Variants in TEAD4 observed in about 807,000 individuals in gnomAD.
TEAD4 encodes the protein transcriptional enhancer factor TEF-3.
In TEAD4, 36 loss-of-function variants were observed where a neutral mutation model predicts 52.4. The ratio of observed to expected loss-of-function variants is 0.69; its 90% confidence interval spans 0.53 to 0.91. The LOEUF is 0.91. Among genes scored for constraint, TEAD4 ranks in the 40% least tolerant of loss-of-function variants. The probability of loss-of-function intolerance (pLI) is 0.00; values close to 1 mark genes in which losing one functional copy is unlikely to be tolerated. For synonymous variants in TEAD4, 220 were observed against 231.0 expected (o/e 0.95, Z 0.43); for missense variants, 508 against 583.9 (o/e 0.87, Z 1.34).
At chr12:2,961,009 C>T (rs1318506208) in intron 2 of TEAD4, among the ~76,000 whole-genome samples, 2 of 151,668 alleles carry the variant, frequency 1.3e-5, no homozygotes, top group Non-Finnish European at 2.9e-5. Flanking sequence ...GGGTCTTGTG[C>T]TTGCCTGGAA....
chr12:3,008,508 AT>A (rs1402665472), intron 3 of TEAD4, among the ~76,000 whole-genome samples: 2 of 152,114 alleles, frequency 1.3e-5, no homozygotes, highest in Non-Finnish European at 2.9e-5. Context: ...GGGCTTTTGA[AT>A]TTCGATAGGG....
At chr12:2,963,863 G>A (rs973704977) in intron 2 of TEAD4, among the ~76,000 whole-genome samples, 3 of 152,196 alleles carry the variant, frequency 2.0e-5, no homozygotes, top group Admixed American at 6.5e-5. Flanking sequence ...TGTAGCGGGG[G>A]CTGGCTCCTT....
At position 2,959,890 on chromosome 12, in the gene TEAD4, G is replaced by C. The variant is rs1397704615; in HGVS notation, c.-122-58G>C. The C allele has an allele frequency of 6.6e-6, 1 of 151,816 alleles. No homozygotes were observed. Among genetic ancestry groups the C allele is most frequent in the Admixed American group, 6.6e-5 (1 of 15,236 alleles). The allele number at this position is 151,816 out of a possible 1,614,324, so 9.4% of individuals were successfully genotyped here. A position where few individuals can be genotyped will look rare whatever the true frequency, so the allele number is the denominator to read the frequency against. On this transcript the variant is annotated intron_variant, in intron 1 of 12. Coordinates refer to ENST00000359864, the MANE Select transcript of TEAD4 (RefSeq NM_003213.4). This position sits in a 1 kb window ranked among gnomAD's most constrained non-coding sequence, Gnocchi z 5.1. ...CCCGCGGCCCCGCCTTCACTGCGCC[G>C]CCCGTCGGCCCCGGCCGGAGCCCGG...
intron 2 of TEAD4, among the ~76,000 whole-genome samples, chr12:2,977,763 CTTGTTGCA>C (rs2098230953): frequency 6.6e-6 from 1 of 152,176 alleles, no homozygotes; most frequent in Non-Finnish European, 1.5e-5. Flanking sequence ...TTCCCGAGAA[CTTGTTGCA>C]TTTCAGGAGA....
chr12:2,988,808 A>T (rs534658701), intron 2 of TEAD4, among the ~76,000 whole-genome samples: 1 of 152,286 alleles, frequency 6.6e-6, no homozygotes, highest in East Asian at 1.9e-4. Context: ...TGAAGCCACC[A>T]TAGACACCTA....
intron 3 of TEAD4, among the ~76,000 whole-genome samples, chr12:3,006,890 G>T (rs888753280): frequency 6.6e-6 from 1 of 151,298 alleles, no homozygotes; most frequent in Non-Finnish European, 1.5e-5. Context: ...GCCAGGTGTG[G>T]TGGTGTGCGC....
In TEAD4 at chr12:2,994,307, C is replaced by T. The variant is rs1039503603; in HGVS notation, c.-29-431C>T. Among the ~76,000 whole-genome samples the T allele has an allele frequency of 6.6e-6, 1 of 152,170 alleles. No homozygotes were observed. Among genetic ancestry groups the T allele is most frequent in the African/African-American group, 2.4e-5 (1 of 41,428 alleles). On this transcript the variant is annotated intron_variant, in intron 2 of 12. Coordinates refer to ENST00000359864, the MANE Select transcript of TEAD4 (RefSeq NM_003213.4). This position sits in a 1 kb window ranked among gnomAD's most constrained non-coding sequence, Gnocchi z 4.7. ...GCCAGGCTGGTCTCGAGTTCCTGAC[C>T]TCAAGTGATCTGCCTGCCTCAGCCT...
chr12:2,969,750 G>A (rs1654163240), intron 2 of TEAD4, among the ~76,000 whole-genome samples: 1 of 152,194 alleles, frequency 6.6e-6, no homozygotes, highest in Admixed American at 6.5e-5. Flanking sequence ...TTATTGCGTG[G>A]CTGCCATCGT....
At position 2,986,196 on chromosome 12, in the gene TEAD4, C is replaced by T. The variant is rs142474817; in HGVS notation, c.-29-8542C>T. Among the ~76,000 whole-genome samples, 61 of 152,300 alleles carry T rather than the reference C, an allele frequency of 4.0e-4. 2 individuals carry two copies. The East Asian group carries it at 0.012, about 29-fold the overall frequency. ...ACTGTCTTCCACCTGCATGTCCTGC[C>T]CCACTGGAAAGCGTTTGGGGCAGTA... On this transcript the variant is annotated intron_variant, in intron 2 of 12. Transcript: ENST00000359864.
At chr12:3,004,587 A>G (rs1300927733) in intron 3 of TEAD4, among the ~76,000 whole-genome samples, 2 of 152,142 alleles carry the variant, frequency 1.3e-5, no homozygotes, top group East Asian at 3.9e-4. Context: ...CCCTGAGAAG[A>G]TTTCTCAACC....
Position 3,020,790 on chromosome 12 carries a change from G to A in TEAD4, c.723+17G>A, listed in dbSNP as rs566753117. The A allele has an allele frequency of 2.5e-5, 39 of 1,556,678 alleles. No homozygotes were observed. Among genetic ancestry groups the A allele is most frequent in the South Asian group, 4.8e-5 (4 of 82,526 alleles). On this transcript the variant is annotated intron_variant, in intron 9 of 12. Transcript: ENST00000359864. ...CCGGACACGGTAGGTCCTGGCCTCT[G>A]CCTGTCCAGCTCCCTGGTCACCCCC... is the stretch of plus-strand genomic sequence containing the variant.
At chr12:2,967,793 A>G (rs1039073959) in intron 2 of TEAD4, among the ~76,000 whole-genome samples, 103 of 152,064 alleles carry the variant, frequency 6.8e-4, no homozygotes, top group African/African-American at 2.4e-3. Flanking sequence ...TTCAACCTCT[A>G]CTTTACAGAG....
At position 2,994,881 on chromosome 12, in the gene TEAD4, G is replaced by T. The variant is rs1366402152; in HGVS notation, c.115G>T (p.Ala39Ser). 4 of 1,614,180 alleles carry T rather than the reference G, an allele frequency of 2.5e-6. No homozygotes were observed. Among genetic ancestry groups the T allele is most frequent in the Non-Finnish European group, 3.4e-6 (4 of 1,180,040 alleles). Residue 39 changes from alanine (A) to serine (S), a missense_variant, in exon 3 of 13, where the codon GCA becomes TCA. Coordinates refer to ENST00000359864, the MANE Select transcript of TEAD4 (RefSeq NM_003213.4). The surrounding 1 kb of genome is among the most constrained non-coding windows in gnomAD (Gnocchi z 4.7). The stretch of plus-strand genomic sequence containing the variant: ...ACTGGACAAGCCCATCGACAATGAC[G>T]CAGAGGGCGTGTGGAGCCCGGATAT...
chr12:3,037,634 A>G (rs558177206), intron 10 of TEAD4, among the ~76,000 whole-genome samples: 2 of 152,242 alleles, frequency 1.3e-5, no homozygotes, highest in African/African-American at 2.4e-5. Flanking sequence ...GCAGTTTAAC[A>G]AGAACAAAGT....
At chr12:3,022,513 C>T (rs7300221) in intron 10 of TEAD4, among the ~76,000 whole-genome samples, 110,901 of 151,968 alleles carry the variant, frequency 0.73, 42,636 homozygotes, top group East Asian at 0.97. Flanking sequence ...CTGACTCTGC[C>T]CCAGGGCGAG....
At chr12:3,019,044 T>C in intron 7 of TEAD4, 71 bp from the exon 8 acceptor site, 1 of 1,577,724 alleles carries the variant, frequency 6.3e-7, no homozygotes, top group East Asian at 2.2e-5. Context: ...CACAGACCAC[T>C]GGACCCAGTG....
intron 2 of TEAD4, among the ~76,000 whole-genome samples, chr12:2,991,641 G>A (rs889208686): frequency 7.9e-5 from 12 of 152,078 alleles, no homozygotes; most frequent in Non-Finnish European, 1.6e-4. Flanking sequence ...CAGCCTGAGT[G>A]AAAGAGCAAG....
chr12:3,019,097 C>T lies in TEAD4; in HGVS notation c.528-18C>T. The T allele has an allele frequency of 7.4e-6, 12 of 1,613,970 alleles. No homozygotes were observed. Among genetic ancestry groups the T allele is most frequent in the Non-Finnish European group, 9.3e-6 (11 of 1,179,918 alleles). ...GGCCTGCCCGAGGCTGACACCTCCC[C>T]TCCTCTCTCTCCCGCAGTGTGAAGC... On this transcript the variant is annotated intron_variant, in intron 7 of 12. Coordinates refer to ENST00000359864, the MANE Select transcript of TEAD4 (RefSeq NM_003213.4).
At chr12:3,024,617 A>G (rs553527302) in intron 10 of TEAD4, among the ~76,000 whole-genome samples, 2 of 152,260 alleles carry the variant, frequency 1.3e-5, no homozygotes, top group East Asian at 1.9e-4. Context: ...AAATCGCACC[A>G]TTGCATTCCA....
Sources: gnomAD v4.1 joint callset for allele counts (sites outside exome capture counted in the v4.1 genomes callset) on GRCh38, gnomAD v4.1.1 for gene constraint, Gnocchi (gnomAD v3.1) non-coding constraint, MANE v1.5 for transcripts, NCBI Gene and HGNC (gene_info 2026-07-23, HGNC 2026-07-21) for gene names.